ARAP2: variants seen among roughly 807,000 people sequenced by gnomAD.
ARAP2 encodes the protein arf-GAP with Rho-GAP domain, ANK repeat and PH domain-containing protein 2.
A neutral mutation model predicts 194.5 loss-of-function variants in ARAP2; 148 were observed. That is an observed-to-expected ratio of 0.76 (90% CI 0.67 to 0.87). The LOEUF is 0.87. ARAP2 is among the 40% of genes least tolerant of loss of function. The pLI is 0.00. For missense variants in ARAP2, 2,128 were observed against 1,989.7 expected (o/e 1.07, Z -1.32); for synonymous variants, 695 against 683.5 (o/e 1.02, Z -0.26).
At chr4:36,098,306 T>G (rs1715885782) in intron 27 of ARAP2, among the ~76,000 whole-genome samples, 1 of 152,116 alleles carries the variant, frequency 6.6e-6, no homozygotes. Context: ...TCTTTGGGAC[T>G]CAATTCCACT....
chr4:36,242,001 G>A (rs879926365), intron 1 of ARAP2, among the ~76,000 whole-genome samples: 1 of 152,160 alleles, frequency 6.6e-6, no homozygotes, highest in African/African-American at 2.4e-5. Flanking sequence ...AAAAGATCAC[G>A]TGAGGAGAAT....
At chr4:36,052,493 A>G (rs1169111691) in intron 2 of ARAP2, among the ~76,000 whole-genome samples, 2 of 152,284 alleles carry the variant, frequency 1.3e-5, no homozygotes, top group African/African-American at 2.4e-5. Context: ...ATACAATTTA[A>G]TTCAGTCCTG....
chr4:36,173,999 TAGA>T (rs1165319515), intron 9 of ARAP2, among the ~76,000 whole-genome samples: 1 of 152,202 alleles, frequency 6.6e-6, no homozygotes, highest in African/African-American at 2.4e-5. Context: ...AGGCTACATA[TAGA>T]AGGTTACCAG....
At chr4:36,022,877 G>A (rs796310053) in intron 5 of ARAP2, among the ~76,000 whole-genome samples, 5 of 152,248 alleles carry the variant, frequency 3.3e-5, no homozygotes, top group African/African-American at 1.2e-4. Flanking sequence ...GAACCTGTGA[G>A]TTCCCTATAC....
chr4:36,103,379 G>C (rs1485171428), intron 27 of ARAP2, among the ~76,000 whole-genome samples: 1 of 151,434 alleles, frequency 6.6e-6, no homozygotes, highest in Non-Finnish European at 1.5e-5. Flanking sequence ...CGCAACTTGA[G>C]ATTATTTATT....
At chr4:36,233,888 T>C (rs1168830113) in intron 1 of ARAP2, among the ~76,000 whole-genome samples, 3 of 152,268 alleles carry the variant, frequency 2.0e-5, no homozygotes, top group Non-Finnish European at 4.4e-5. Context: ...GAACAAGAAA[T>C]GCATCCTCTT....
intron 32 of ARAP2, among the ~76,000 whole-genome samples, chr4:36,073,149 G>A (rs188772405): frequency 5.3e-5 from 8 of 152,146 alleles, no homozygotes; most frequent in Admixed American, 3.3e-4. Context: ...GATTGATGCC[G>A]CTTATGATCT....
At chr4:36,018,256 G>T (rs1461177458) in intron 6 of ARAP2, among the ~76,000 whole-genome samples, 2 of 152,034 alleles carry the variant, frequency 1.3e-5, no homozygotes, top group African/African-American at 2.4e-5. Flanking sequence ...TCAAGAGTTG[G>T]AATGGTCTAC....
chr4:36,231,036 C>A (rs1320638776), intron 1 of ARAP2, among the ~76,000 whole-genome samples: 2 of 152,176 alleles, frequency 1.3e-5, no homozygotes, highest in African/African-American at 4.8e-5. Flanking sequence ...AAATGTCACA[C>A]ACAAAGAAGT....
chr4:36,037,257 C>T (rs1720081999), intron 5 of ARAP2, among the ~76,000 whole-genome samples: 1 of 152,172 alleles, frequency 6.6e-6, no homozygotes. Flanking sequence ...ATAGAAGCTG[C>T]CTGGCAGGCA....
At chr4:36,059,735 G>A (rs946816222) in intron 1 of ARAP2, among the ~76,000 whole-genome samples, 2 of 152,138 alleles carry the variant, frequency 1.3e-5, no homozygotes, top group African/African-American at 2.4e-5. Context: ...CAAGACAGTA[G>A]GATCCTAGAG....
At chr4:36,170,411 G>C (rs1419916923) in intron 9 of ARAP2, among the ~76,000 whole-genome samples, 1 of 152,178 alleles carries the variant, frequency 6.6e-6, no homozygotes, top group Non-Finnish European at 1.5e-5. Context: ...AACATAGTGA[G>C]ACCCTGTCTC....
intron 7 of ARAP2, among the ~76,000 whole-genome samples, chr4:36,187,816 A>G (rs1740911386): frequency 6.6e-6 from 1 of 152,238 alleles, no homozygotes; most frequent in African/African-American, 2.4e-5. Flanking sequence ...TAAAAGGGAA[A>G]GAATCAAATA....
chr4:36,177,504 T>A (rs978983216), intron 9 of ARAP2, among the ~76,000 whole-genome samples: 1 of 152,166 alleles, frequency 6.6e-6, no homozygotes, highest in Non-Finnish European at 1.5e-5. Context: ...CTGTAAGGGT[T>A]CATTGGTCCT....
intron 19 of ARAP2, among the ~76,000 whole-genome samples, chr4:36,138,892 T>C (rs1361295839): frequency 6.6e-6 from 1 of 151,726 alleles, no homozygotes; most frequent in Admixed American, 6.6e-5. Flanking sequence ...TTTTTCAGTG[T>C]GATCTCACTG....
In ARAP2 at chr4:36,147,551, G is replaced by T. The variant is rs1729937612; in HGVS notation, c.3196C>A (p.Leu1066Ile). The T allele has an allele frequency of 2.5e-6, 4 of 1,607,560 alleles. No individual in the cohort carries two copies. In the South Asian group the frequency reaches 3.4e-5, roughly 13 times the overall value. ...DRMHLRRLQE[L>I]TISTMVQNGE... ...AAGGGAAGAAAAAAGCTCTTACTTA[G>T]CTCTTGCAGTCTTCTTAAGTGCATT... The change falls in exon 18 of 33, where the codon CTA becomes ATA. Residue 1066 changes from leucine to isoleucine, a missense_variant. Leu to Ile is a conservative substitution (Grantham distance 5). Coordinates refer to ENST00000303965, the MANE Select transcript of ARAP2 (RefSeq NM_015230.4).
chr4:36,229,237 T>C lies in ARAP2; in HGVS notation c.250A>G (p.Lys84Glu), dbSNP rs1318197270. 1 of 1,613,982 alleles carries C rather than the reference T, an allele frequency of 6.2e-7. No individual in the cohort carries two copies. The highest frequency in any genetic ancestry group is 1.3e-5 in the African/African-American group (1 of 74,936). The change falls in exon 2 of 33, where the codon AAG becomes GAG. Residue 84 changes from lysine (K) to glutamate (E), a missense_variant. Lys to Glu is a moderately conservative substitution (Grantham distance 56). Coordinates refer to ENST00000303965, the MANE Select transcript of ARAP2 (RefSeq NM_015230.4). Reference protein sequence around the residue: ...IPIYANVHKTKKNDDPSKDYH... With the variant: ...IPIYANVHKTEKNDDPSKDYH... ...TCCTTTGAAGGGTCATCATTCTTCTTAGTTTTATGAACATTTGCATATATT... is the reference window on the plus strand; with the variant it reads ...TCCTTTGAAGGGTCATCATTCTTCTCAGTTTTATGAACATTTGCATATATT...
chr4:36,090,318 T>C (rs993818469), intron 28 of ARAP2, among the ~76,000 whole-genome samples: 1 of 152,112 alleles, frequency 6.6e-6, no homozygotes, highest in Non-Finnish European at 1.5e-5. Context: ...AGCTGAATTC[T>C]ACCACATGTA....
intron 5 of ARAP2, among the ~76,000 whole-genome samples, chr4:36,020,194 T>G (rs1716667301): frequency 6.6e-6 from 1 of 152,200 alleles, no homozygotes; most frequent in African/African-American, 2.4e-5. Context: ...GCAGATCAGC[T>G]GCTGTCAGGA....
Sources: allele counts gnomAD v4.1 joint callset (sites outside exome capture counted in the v4.1 genomes callset), GRCh38; gene constraint gnomAD v4.1.1; transcripts MANE v1.5; gene names NCBI Gene and HGNC (gene_info 2026-07-23, HGNC 2026-07-21).